The following CASK variants were observed in gnomAD, a reference collection of about 807,000 sequenced individuals.
CASK encodes peripheral plasma membrane protein CASK.
CASK carries 4 observed loss-of-function variants against 82.9 expected under a neutral mutation model. The observed-to-expected ratio is 0.05, with a 90% confidence interval of 0.02 to 0.11. The LOEUF (loss-of-function observed/expected upper bound fraction) is 0.11, where lower values mean the gene tolerates loss of function less well. CASK is among the 10% of genes least tolerant of loss of function. CASK has a pLI of 1.00. For missense variants in CASK, 358 were observed against 720.9 expected, an observed-to-expected ratio of 0.50 and a Z score of 5.76; for synonymous variants, 259 against 253.5, an observed-to-expected ratio of 1.02 and a Z score of -0.20.
In CASK at chrX:41,647,955, T is replaced by C. The variant is rs1038634777; in HGVS notation, c.832-11294A>G. 3.6e-5 allele frequency among the ~76,000 whole-genome samples: 4 copies of C among 111,912 alleles called. No homozygotes were observed. In the Admixed American group the frequency reaches 3.8e-4, roughly 11 times the overall value. On this transcript the variant is annotated intron_variant, in intron 8 of 26. Transcript: ENST00000378163. ...ATGTGTGTTTGAGCAACATGAAATG[T>C]AGGCACCTTGAAAAAAGAACAGGAT...
intron 2 of CASK, among the ~76,000 whole-genome samples, chrX:41,810,613 C>T (rs1158164324): frequency 3.6e-5 from 4 of 111,590 alleles, no homozygotes; most frequent in Non-Finnish European, 7.5e-5. Flanking sequence ...AAAACTGATA[C>T]CAGCCACTGC....
chrX:41,748,636 T>C (rs1171309011), intron 3 of CASK: 4 of 159,102 alleles, frequency 2.5e-5, no homozygotes, highest in Admixed American at 6.4e-5. Flanking sequence ...ACAAATAAAA[T>C]GCCTCAATGG....
intron 3 of CASK, among the ~76,000 whole-genome samples, chrX:41,771,717 T>C (rs756099141): frequency 1.2e-4 from 13 of 110,699 alleles, no homozygotes; most frequent in Non-Finnish European, 2.1e-4. Flanking sequence ...AGAGGGAAAA[T>C]AGAATGATAA....
intron 3 of CASK, among the ~76,000 whole-genome samples, chrX:41,782,786 T>A (rs1183255494): frequency 8.9e-6 from 1 of 112,087 alleles, no homozygotes; most frequent in Admixed American, 9.5e-5. Context: ...GCATACATGG[T>A]GAAATTTAGG....
intron 7 of CASK, among the ~76,000 whole-genome samples, chrX:41,664,779 C>A (rs2067089258): frequency 8.9e-6 from 1 of 112,545 alleles, no homozygotes; most frequent in African/African-American, 3.2e-5. Context: ...AGGCTGCCAA[C>A]ACCTAATAGC....
Position 41,739,827 on chromosome X carries a change from GCTGCCCCAAGGATTCAGACT to G in CASK, c.357-391_357-372del, listed in dbSNP as rs1311394924. The stretch of plus-strand genomic sequence containing the variant: ...CTGCGTTATGTAAACAGTGCTCAGG[GCTGCCCCAAGGATTCAGACT>G]CAAGCAGTGGGAGCCTTTGATCTGC... On this transcript the variant is annotated intron_variant, in intron 4 of 26. Coordinates refer to ENST00000378163, the MANE Select transcript of CASK (RefSeq NM_001367721.1). Among the ~76,000 whole-genome samples the G allele has an allele frequency of 3.2e-3, 363 of 112,486 alleles. 3 individuals carry two copies. Among genetic ancestry groups the G allele is most frequent in the Non-Finnish European group, 4.7e-3 (251 of 53,295 alleles).
At chrX:41,870,992 T>G in intron 1 of CASK, among the ~76,000 whole-genome samples, 1 of 112,368 alleles carries the variant, frequency 8.9e-6, no homozygotes. Flanking sequence ...GCGTAGGGTC[T>G]CACAATGCTG....
intron 21 of CASK, among the ~76,000 whole-genome samples, chrX:41,544,583 AAAAC>A (rs2064995549): frequency 9.2e-6 from 1 of 108,793 alleles, no homozygotes; most frequent in African/African-American, 3.3e-5. Context: ...AAAAAAAAAA[AAAAC>A]AAAAATGAAA....
At chrX:41,780,013 T>C (rs967061947) in intron 3 of CASK, among the ~76,000 whole-genome samples, 21 of 111,972 alleles carry the variant, frequency 1.9e-4, no homozygotes, top group African/African-American at 5.2e-4. Flanking sequence ...TTTTAAAAGA[T>C]ACACATCATG....
chrX:41,657,658 G>A (rs990057451), intron 8 of CASK, among the ~76,000 whole-genome samples: 1 of 111,224 alleles, frequency 9.0e-6, no homozygotes, highest in Non-Finnish European at 1.9e-5. Context: ...AAGTAGCTGG[G>A]ATTACAGGCA....
chrX:41,641,632 CT>C (rs767974605), intron 8 of CASK, among the ~76,000 whole-genome samples: 1 of 111,350 alleles, frequency 9.0e-6, no homozygotes, highest in South Asian at 3.8e-4. Context: ...CACTCAAATT[CT>C]TTTTTGATGT....
intron 1 of CASK, among the ~76,000 whole-genome samples, chrX:41,889,155 T>G (rs1390498348): frequency 1.0e-5 from 1 of 99,622 alleles, no homozygotes; most frequent in African/African-American, 3.5e-5. Flanking sequence ...GCAGTTGCTA[T>G]CCTGGAAAAA....
chrX:41,690,010 T>C (rs2067514133), intron 5 of CASK, among the ~76,000 whole-genome samples: 1 of 110,913 alleles, frequency 9.0e-6, no homozygotes, highest in Non-Finnish European at 1.9e-5. Context: ...GGTGCGGGGG[T>C]ACAATGCACT....
At chrX:41,809,299 G>T (rs944605903) in intron 2 of CASK, among the ~76,000 whole-genome samples, 2 of 112,215 alleles carry the variant, frequency 1.8e-5, no homozygotes, top group East Asian at 5.6e-4. Context: ...TCCTCAAGTG[G>T]GTCCCTGACC....
rs2065430732 is a variant in CASK, at chrX:41,572,701, A to G, written c.1504-2955T>C. Among the ~76,000 whole-genome samples the G allele has an allele frequency of 1.8e-5, 2 of 112,136 alleles. 1 individual carries two copies. Among genetic ancestry groups the G allele is most frequent in the Non-Finnish European group, 3.8e-5 (2 of 53,271 alleles). ...ATTGTTATTTTTGTTTAAATTGCCA[A>G]TTATAAGAGATTGAAGTAATAAGAA... On this transcript the variant is annotated intron_variant, in intron 15 of 26. Transcript: ENST00000378163.
chrX:41,852,429 T>C (rs1440902846), intron 2 of CASK, among the ~76,000 whole-genome samples: 2 of 111,817 alleles, frequency 1.8e-5, no homozygotes, highest in East Asian at 5.5e-4. Context: ...TTAGAAAAGT[T>C]AGTATCATGA....
chrX:41,643,233 G>A (rs932934505), intron 8 of CASK, among the ~76,000 whole-genome samples: 1 of 111,852 alleles, frequency 8.9e-6, no homozygotes, highest in Non-Finnish European at 1.9e-5. Flanking sequence ...TTTTTGCTTA[G>A]GATTGATTGT....
chrX:41,747,462 C>T (rs754006760), intron 3 of CASK, among the ~76,000 whole-genome samples: 1 of 110,390 alleles, frequency 9.1e-6, no homozygotes, highest in Non-Finnish European at 1.9e-5. Flanking sequence ...TTTTTTGAGA[C>T]GGAGTCTTGC....
chrX:41,911,887 C>CT (rs1216180435), intron 1 of CASK, among the ~76,000 whole-genome samples: 3 of 110,342 alleles, frequency 2.7e-5, no homozygotes, highest in African/African-American at 3.3e-5. Flanking sequence ...TTTTTTTTAA[C>CT]TTTTTTTATT....
Sources: allele counts gnomAD v4.1 joint callset (sites outside exome capture counted in the v4.1 genomes callset), GRCh38; gene constraint gnomAD v4.1.1; transcripts MANE v1.5; gene names NCBI Gene and HGNC (gene_info 2026-07-23, HGNC 2026-07-21).